Variants in WWC1 observed in about 807,000 individuals in gnomAD.
WWC1 encodes protein KIBRA.
A neutral mutation model predicts 138.4 loss-of-function variants in WWC1; 55 were observed. The ratio of observed to expected loss-of-function variants is 0.40; its 90% CI spans 0.32 to 0.50. The LOEUF (loss-of-function observed/expected upper bound fraction) is 0.50. Ranked by LOEUF, WWC1 falls within the 20% of genes least tolerant of loss-of-function variation. The pLI, the probability that WWC1 is intolerant of heterozygous loss-of-function variation, is 0.72. For synonymous variants in WWC1, 524 were observed against 564.9 expected, an observed-to-expected ratio of 0.93 and a Z score of 1.03; for missense variants, 1,226 against 1,420.4, an observed-to-expected ratio of 0.86 and a Z score of 2.20.
At chr5:168,452,087 G>A (rs1027277602) in intron 17 of WWC1, among the ~76,000 whole-genome samples, 22 of 152,012 alleles carry the variant, frequency 1.4e-4, no homozygotes, top group African/African-American at 5.3e-4. Flanking sequence ...TGTATTTTTA[G>A]TAGAGACAAG....
In WWC1 at chr5:168,376,874, T is replaced by G. The variant is rs199831902; in HGVS notation, c.229+5341T>G. Among the ~76,000 whole-genome samples, 24 of 152,374 alleles carry G rather than the reference T, an allele frequency of 1.6e-4. No individual in the cohort carries two copies. The East Asian group carries it at 4.6e-3, about 29-fold the overall frequency. On this transcript the variant is annotated intron_variant, in intron 2 of 22. Transcript: ENST00000265293. ...ATACTGCATAAAGCAATCTGCAGAT[T>G]GAGTGCTATTCATATCAAACTACCA...
At chr5:168,354,534 G>A (rs1775245158) in intron 1 of WWC1, among the ~76,000 whole-genome samples, 1 of 152,050 alleles carries the variant, frequency 6.6e-6, no homozygotes, top group Non-Finnish European at 1.5e-5. Flanking sequence ...TCTTTTTGGG[G>A]AACCTGGGAT....
rs1409452772 is a variant in WWC1, at chr5:168,292,290, C to A, written c.119+19C>A. ...GGGACAGGTAGGACCCTGGAACCCTCCTCCGTGCCCCCACACCCCCGCCTG... is the reference window on the plus strand; with the variant it reads ...GGGACAGGTAGGACCCTGGAACCCTACTCCGTGCCCCCACACCCCCGCCTG... On this transcript the variant is annotated intron_variant, in intron 1 of 22. Coordinates refer to ENST00000265293, the MANE Select transcript of WWC1 (RefSeq NM_015238.3). The surrounding 1 kb of genome is among the most constrained non-coding windows in gnomAD (Gnocchi z 4.4). 1 of 1,579,040 alleles carries A rather than the reference C, an allele frequency of 6.3e-7. No individual in the cohort carries two copies.
chr5:168,372,503 A>C (rs1209726209), intron 2 of WWC1, among the ~76,000 whole-genome samples: 1 of 152,220 alleles, frequency 6.6e-6, no homozygotes, highest in Non-Finnish European at 1.5e-5. Flanking sequence ...TCAAATCCTA[A>C]TAGCCTCTGT....
rs934800367 is a variant in WWC1 at position 168,454,108 on chromosome 5, G to A, written c.2658+8G>A. 5 of 1,610,100 alleles carry A rather than the reference G, an allele frequency of 3.1e-6. No individual in the cohort carries two copies. The highest frequency in any genetic ancestry group is 1.7e-5 in the Admixed American group (1 of 58,806). On this transcript the variant is annotated splice_region_variant and intron_variant, in intron 18 of 22. Transcript: ENST00000265293. ...GGGTACCCAGCATTAAAGGTAGGAA[G>A]GGCTGGGGGGATAGAAGGGCTGTCG...
intron 1 of WWC1, among the ~76,000 whole-genome samples, chr5:168,325,116 A>G (rs1772422772): frequency 6.6e-6 from 1 of 152,204 alleles, no homozygotes; most frequent in African/African-American, 2.4e-5. Flanking sequence ...GAAGCAAGCT[A>G]ACCTCCATGG....
intron 1 of WWC1, among the ~76,000 whole-genome samples, chr5:168,337,255 A>G (rs1251242567): frequency 6.6e-6 from 1 of 151,826 alleles, no homozygotes; most frequent in Non-Finnish European, 1.5e-5. Flanking sequence ...GCATCCATAT[A>G]CCCCACTCTC....
chr5:168,434,609 T>C (rs185748923), intron 15 of WWC1, among the ~76,000 whole-genome samples: 1 of 152,312 alleles, frequency 6.6e-6, no homozygotes, highest in African/African-American at 2.4e-5. Flanking sequence ...TGGCAAAGCC[T>C]GGATTTGAAC....
At chr5:168,362,906 G>A (rs1775985398) in intron 1 of WWC1, among the ~76,000 whole-genome samples, 1 of 152,166 alleles carries the variant, frequency 6.6e-6, no homozygotes, top group South Asian at 2.1e-4. Context: ...GGTTTGGGGT[G>A]GAGGAACCGT....
At chr5:168,379,545 A>C (rs1777465080) in intron 2 of WWC1, among the ~76,000 whole-genome samples, 1 of 152,042 alleles carries the variant, frequency 6.6e-6, no homozygotes, top group African/African-American at 2.4e-5. Flanking sequence ...GATTACAGGC[A>C]TACACCACCA....
At chr5:168,321,808 AT>A (rs1224426454) in intron 1 of WWC1, among the ~76,000 whole-genome samples, 1 of 152,228 alleles carries the variant, frequency 6.6e-6, no homozygotes, top group African/African-American at 2.4e-5. Flanking sequence ...AAGTGCTGGG[AT>A]TACAGGCGTG....
chr5:168,428,732 T>C lies in WWC1; in HGVS notation c.1945T>C (p.Phe649Leu). The change falls in exon 13 of 23, where the codon TTT (phenylalanine) becomes CTT (leucine). Residue 649 changes from phenylalanine to leucine, a missense_variant. By Grantham distance (22) the Phe-to-Leu change is conservative. This residue lies in a region of WWC1 where 1,016 missense variants were observed against 1,153.9 expected (regional missense o/e 0.88). Transcript: ENST00000265293. ...QRLGASEAAA[F>L]DSDESEAVGA... ...ACTGGGTGCTTCAGAAGCTGCTGCA[T>C]TTGACAGTGACGAATCGGAAGCAGT... The C allele has an allele frequency of 6.2e-7, 1 of 1,613,958 alleles. No individual in the cohort carries two copies. The highest frequency in any genetic ancestry group is 1.1e-5 in the South Asian group (1 of 91,082).
rs528124914 is a variant in WWC1 at position 168,360,919 on chromosome 5, C to G, written c.120-10505C>G. ...GCCTCTGCAGTTACTGCTGATGAGG[C>G]TTCTAGACAGCCCAGCACCTGGGAA... On this transcript the variant is annotated intron_variant, in intron 1 of 22. Transcript: ENST00000265293. 1.7e-4 allele frequency among the ~76,000 whole-genome samples: 26 copies of G among 152,330 alleles called. No individual in the cohort carries two copies. In the East Asian group the frequency reaches 4.6e-3, roughly 27 times the overall value.
chr5:168,416,950 T>G (rs1410988814), intron 9 of WWC1, among the ~76,000 whole-genome samples: 1 of 152,078 alleles, frequency 6.6e-6, no homozygotes, highest in East Asian at 1.9e-4. Flanking sequence ...TTACTGCAAC[T>G]TCCACCTTCC....
intron 1 of WWC1, among the ~76,000 whole-genome samples, chr5:168,351,948 T>G (rs1279788725): frequency 6.6e-6 from 1 of 152,146 alleles, no homozygotes; most frequent in Admixed American, 6.5e-5. Flanking sequence ...CCACGTTCTC[T>G]GTGCAGTAAC....
At chr5:168,326,549 G>A (rs1433198653) in intron 1 of WWC1, among the ~76,000 whole-genome samples, 2 of 148,830 alleles carry the variant, frequency 1.3e-5, no homozygotes, top group African/African-American at 5.0e-5. Flanking sequence ...TGTTGTTGTT[G>A]TTGTTTTTAG....
chr5:168,406,921 G>T (rs925468163), intron 6 of WWC1, among the ~76,000 whole-genome samples: 1 of 151,698 alleles, frequency 6.6e-6, no homozygotes, highest in African/African-American at 2.4e-5. Flanking sequence ...TGGCCTGGGC[G>T]AAACAGTGAG....
At chr5:168,306,289 G>A (rs6555799) in intron 1 of WWC1, among the ~76,000 whole-genome samples, 97,736 of 151,334 alleles carry the variant, frequency 0.65, 31,765 homozygotes, top group Middle Eastern at 0.75. Context: ...CCAGCTACTC[G>A]GGAGGCTGAG....
chr5:168,386,019 T>A (rs562497272), intron 3 of WWC1, among the ~76,000 whole-genome samples: 18 of 152,144 alleles, frequency 1.2e-4, no homozygotes, highest in Middle Eastern at 3.4e-3. Flanking sequence ...CCTTTCTGTT[T>A]CCCTACCCCA....
Sources: gnomAD v4.1 joint callset for allele counts (sites outside exome capture counted in the v4.1 genomes callset) on GRCh38, gnomAD v4.1.1 for gene constraint, gnomAD v4.1.1 regional missense constraint, Gnocchi (gnomAD v3.1) non-coding constraint, MANE v1.5 for transcripts, NCBI Gene and HGNC (gene_info 2026-07-23, HGNC 2026-07-21) for gene names.